MAP4K2: variants seen among roughly 807,000 people sequenced by gnomAD.
The protein encoded by MAP4K2 is mitogen-activated protein kinase kinase kinase kinase 2.
A neutral mutation model predicts 125.3 loss-of-function variants in MAP4K2; 85 were observed. The observed-to-expected ratio is 0.68, with a 90% confidence interval of 0.57 to 0.81. The LOEUF (loss-of-function observed/expected upper bound fraction) is 0.81, where lower values mean the gene tolerates loss of function less well. Ranked by LOEUF, MAP4K2 falls within the 40% of genes least tolerant of loss-of-function variation. MAP4K2 has a pLI of 0.00. For missense variants in MAP4K2, 923 were observed against 1,056.4 expected, an observed-to-expected ratio of 0.87 and a Z score of 1.75; for synonymous variants, 479 against 445.1, an observed-to-expected ratio of 1.08 and a Z score of -0.96.
Position 64,803,070 on chromosome 11 carries a change from T to A in MAP4K2, c.80A>T (p.Tyr27Phe). ...CCGTCGCACCTTGTAGACGTCGCCA[T>A]AGGTCCCGGCCCCCACGCGCTGCAG... ...ELLQRVGAGT[Y>F]GDVYKARDTV... The change falls in exon 1 of 32, where the codon TAT becomes TTT. Residue 27 changes from tyrosine (Y) to phenylalanine (F), a missense_variant. Physicochemically the swap from Tyr to Phe is conservative, Grantham distance 22. This residue lies in a region of MAP4K2 where 833 missense variants were observed against 911.4 expected (regional missense o/e 0.91). Transcript: ENST00000294066. The A allele has an allele frequency of 1.2e-6, 2 of 1,603,504 alleles. No homozygotes were observed. The highest frequency in any genetic ancestry group is 1.7e-6 in the Non-Finnish European group (2 of 1,178,050).
chr11:64,798,551 T>C (rs878983678), intron 15 of MAP4K2, among the ~76,000 whole-genome samples: 15 of 144,610 alleles, frequency 1.0e-4, no homozygotes, highest in South Asian at 4.4e-4. Flanking sequence ...CCACCCACCT[T>C]AGCCTCCCAA....
At chr11:64,798,739 G>A (rs1940979264) in intron 15 of MAP4K2, 55 bp downstream of exon 15, 1 of 1,601,358 alleles carries the variant, frequency 6.2e-7, no homozygotes, top group Non-Finnish European at 8.6e-7. Flanking sequence ...CCGGTCAGAG[G>A]TCAGCCTTTC....
In MAP4K2 at chr11:64,796,627, G is replaced by T. The variant is rs1248747897; in HGVS notation, c.1572+7C>A. The T allele has an allele frequency of 6.2e-7, 1 of 1,614,086 alleles. No homozygotes were observed. Among genetic ancestry groups the T allele is most frequent in the East Asian group, 2.2e-5 (1 of 44,886 alleles). The stretch of plus-strand genomic sequence containing the variant: ...GCCTCTGCCCCCCACAGCCAGCCGG[G>T]CCTCACCTTCTCCAGCGTATCCTCA... On this transcript the variant is annotated splice_region_variant and intron_variant, in intron 22 of 31. Coordinates refer to ENST00000294066, the MANE Select transcript of MAP4K2 (RefSeq NM_004579.5).
At position 64,789,711 on chromosome 11, in the gene MAP4K2, C is replaced by T. The variant is rs201824736; in HGVS notation, c.2375+19G>A. ...GCCTCAGGGGCATCTGAAGGGGAGG[C>T]TAGGGTACCACCGCCTACCTGTGGG... On this transcript the variant is annotated intron_variant, in intron 31 of 31. Coordinates refer to ENST00000294066, the MANE Select transcript of MAP4K2 (RefSeq NM_004579.5). 12 of 1,614,000 alleles carry T rather than the reference C, an allele frequency of 7.4e-6. No homozygotes were observed. The East Asian group carries it at 2.0e-4, about 27-fold the overall frequency.
chr11:64,800,134 G>A lies in MAP4K2; in HGVS notation c.890C>T (p.Pro297Leu), dbSNP rs747934388. The A allele has an allele frequency of 6.2e-6, 10 of 1,611,046 alleles. No individual in the cohort carries two copies. In the South Asian group the frequency reaches 1.1e-4, roughly 18 times the overall value. Residue 297 changes from proline (P) to leucine (L), a missense_variant, in exon 12 of 32, where the codon CCC becomes CTC. Physicochemically the swap from Pro to Leu is moderately conservative, Grantham distance 98. Coordinates refer to ENST00000294066, the MANE Select transcript of MAP4K2 (RefSeq NM_004579.5). Reference sequence around the variant, plus strand: ...CTCCAGCTCACAGTCCTCAGGGGAGGGGGTCCCCAGATGAGGGTCACTGGC... The same window carrying A: ...CTCCAGCTCACAGTCCTCAGGGGAGAGGGTCCCCAGATGAGGGTCACTGGC... ...DKASDPHLGTPSPEDCELETY... is the reference protein window; with the variant it reads ...DKASDPHLGTLSPEDCELETY...
chr11:64,792,743 T>C (rs1030062359), intron 24 of MAP4K2, among the ~76,000 whole-genome samples: 3 of 152,016 alleles, frequency 2.0e-5, no homozygotes, highest in African/African-American at 4.8e-5. Context: ...TTGGGGATAA[T>C]GGCGGGCCCC....
intron 10 of MAP4K2, 126 bp downstream of exon 10, chr11:64,800,638 A>T: frequency 7.5e-7 from 1 of 1,331,318 alleles, no homozygotes; most frequent in Non-Finnish European, 1.0e-6. Flanking sequence ...CCCCTGACTC[A>T]GATGGTCTGT....
At chr11:64,798,177 T>C (rs1178353874) in intron 15 of MAP4K2, among the ~76,000 whole-genome samples, 2 of 150,626 alleles carry the variant, frequency 1.3e-5, no homozygotes, top group Non-Finnish European at 3.0e-5. Context: ...TGTTTATTTA[T>C]TTATCTGAGA....
Position 64,799,701 on chromosome 11 carries a change from C to A in MAP4K2, c.916-18G>T. 1 of 1,608,376 alleles carries A rather than the reference C, an allele frequency of 6.2e-7. No individual in the cohort carries two copies. Among genetic ancestry groups the A allele is most frequent in the Non-Finnish European group, 8.5e-7 (1 of 1,175,668 alleles). ...TCATAGGTCTAAGGAAAAACAGAAA[C>A]AGTGTGGACACACCTGGCACGCGCC... On this transcript the variant is annotated intron_variant, in intron 12 of 31. Coordinates refer to ENST00000294066, the MANE Select transcript of MAP4K2 (RefSeq NM_004579.5).
At chr11:64,801,556 G>C in intron 7 of MAP4K2, 23 bp downstream of exon 7, 1 of 1,613,746 alleles carries the variant, frequency 6.2e-7, no homozygotes, top group Non-Finnish European at 8.5e-7. Flanking sequence ...CCCTCACCCT[G>C]ATGGTGTCCC....
intron 17 of MAP4K2, 25 bp downstream of exon 17, chr11:64,797,476 G>A: frequency 6.4e-7 from 1 of 1,560,064 alleles, no homozygotes; most frequent in African/African-American, 1.4e-5. Context: ...CTGGATCCCA[G>A]CTCCAGCCTC....
intron 25 of MAP4K2, 40 bp downstream of exon 25, chr11:64,792,324 C>T (rs1940541689): frequency 6.4e-7 from 1 of 1,567,970 alleles, no homozygotes; most frequent in Non-Finnish European, 8.7e-7. Flanking sequence ...GCGCTGCCCC[C>T]CACCAGGCCC....
In MAP4K2 at chr11:64,803,075, C is replaced by A. The variant is rs545496073; in HGVS notation, c.75G>T (p.Gly25=). 3 of 1,603,156 alleles carry A rather than the reference C, an allele frequency of 1.9e-6. No individual in the cohort carries two copies. Among genetic ancestry groups the A allele is most frequent in the South Asian group, 1.1e-5 (1 of 90,642 alleles). Residue 25 remains glycine (G), a synonymous_variant, in exon 1 of 32, where the codon GGG becomes GGT. Transcript: ENST00000294066. ...RFELLQRVGA[G]TYGDVYKARD... is the part of the protein sequence containing the mutation. Reference sequence around the variant, plus strand: ...GCACCTTGTAGACGTCGCCATAGGTCCCGGCCCCCACGCGCTGCAGCAGCT... The same window carrying A: ...GCACCTTGTAGACGTCGCCATAGGTACCGGCCCCCACGCGCTGCAGCAGCT...
At chr11:64,800,444 G>C (rs1259007190) in intron 10 of MAP4K2, 52 bp from the exon 11 acceptor site, 1 of 1,588,236 alleles carries the variant, frequency 6.3e-7, no homozygotes, top group South Asian at 1.1e-5. Context: ...CCCTCGTGCA[G>C]GGTGTCCTGC....
In MAP4K2 at chr11:64,797,212, G is replaced by A. The variant is rs1037100100; in HGVS notation, c.1277-20C>T. On this transcript the variant is annotated intron_variant, in intron 18 of 31. Coordinates refer to ENST00000294066, the MANE Select transcript of MAP4K2 (RefSeq NM_004579.5). Reference sequence around the variant, plus strand: ...GGGTTCCTGCAGGCACAGGCGTGCTGTAATTTCCTGCTGTAGCCCCCACCC... The same window carrying A: ...GGGTTCCTGCAGGCACAGGCGTGCTATAATTTCCTGCTGTAGCCCCCACCC... 11 of 1,610,998 alleles carry A rather than the reference G, an allele frequency of 6.8e-6. No individual in the cohort carries two copies. Among genetic ancestry groups the A allele is most frequent in the Admixed American group, 1.7e-5 (1 of 59,618 alleles).
intron 10 of MAP4K2, 64 bp from the exon 11 acceptor site, chr11:64,800,456 A>C: frequency 6.4e-7 from 1 of 1,556,154 alleles, no homozygotes; most frequent in Non-Finnish European, 8.8e-7. Flanking sequence ...GTGTCCTGCC[A>C]GCTGCCCTAC....
chr11:64,792,101 G>A lies in MAP4K2; in HGVS notation c.1915-15C>T, dbSNP rs767315115. On this transcript the variant is annotated splice_polypyrimidine_tract_variant and intron_variant, in intron 26 of 31. Coordinates refer to ENST00000294066, the MANE Select transcript of MAP4K2 (RefSeq NM_004579.5). ...CTGGAGAAGTTCTAGGGGGCAGCAG[G>A]GATGCTCAGGTCTCCATTTCTCCCC... 4 of 1,579,750 alleles carry A rather than the reference G, an allele frequency of 2.5e-6. No homozygotes were observed. Among genetic ancestry groups the A allele is most frequent in the African/African-American group, 2.7e-5 (2 of 74,136 alleles).
intron 13 of MAP4K2, 22 bp downstream of exon 13, chr11:64,799,583 A>G (rs751735131): frequency 1.1e-5 from 17 of 1,613,622 alleles, no homozygotes; most frequent in Admixed American, 1.0e-4. Context: ...CTGCACACAC[A>G]CAGCCCCTGC....
chr11:64,799,411 G>C lies in MAP4K2; in HGVS notation c.1053+10C>G, dbSNP rs1941022613. On this transcript the variant is annotated intron_variant, in intron 14 of 31. Coordinates refer to ENST00000294066, the MANE Select transcript of MAP4K2 (RefSeq NM_004579.5). The stretch of plus-strand genomic sequence containing the variant: ...GGGCACCACCTTCCCCTCAAGGCCT[G>C]CCCACTCACCGGCTCATTCAGTGGG... The C allele has an allele frequency of 1.2e-6, 2 of 1,612,352 alleles. No homozygotes were observed. Among genetic ancestry groups the C allele is most frequent in the Non-Finnish European group, 1.7e-6 (2 of 1,179,452 alleles).
Sources: allele counts gnomAD v4.1 joint callset (sites outside exome capture counted in the v4.1 genomes callset), GRCh38; gene constraint gnomAD v4.1.1; regional missense constraint gnomAD v4.1.1; transcripts MANE v1.5; gene names NCBI Gene and HGNC (gene_info 2026-07-23, HGNC 2026-07-21).